The following SORCS1 variants were observed in gnomAD, a reference collection of about 807,000 sequenced individuals.
SORCS1 encodes the protein sortilin related VPS10 domain containing receptor 1.
Under a neutral mutation model 146.1 loss-of-function variants are expected in SORCS1, and 60 were observed. The observed-to-expected ratio is 0.41, with a 90% confidence interval of 0.33 to 0.51. SORCS1 has a LOEUF of 0.51. Among genes scored for constraint, SORCS1 ranks in the 20% least tolerant of loss-of-function variants. The probability of loss-of-function intolerance (pLI) is 0.21; values close to 1 mark genes in which losing one functional copy is unlikely to be tolerated. For missense variants in SORCS1, 1,352 were observed against 1,487.6 expected (o/e 0.91, Z 1.50); for synonymous variants, 637 against 584.0 (o/e 1.09, Z -1.31).
intron 2 of SORCS1, among the ~76,000 whole-genome samples, chr10:106,943,705 G>T (rs1313572178): frequency 6.6e-6 from 1 of 152,026 alleles, no homozygotes; most frequent in Non-Finnish European, 1.5e-5. Flanking sequence ...AGCTACTCGG[G>T]AGGCTGAGGC....
intron 9 of SORCS1, among the ~76,000 whole-genome samples, chr10:106,689,558 C>T (rs914606330): frequency 5.9e-5 from 9 of 152,244 alleles, no homozygotes; most frequent in African/African-American, 1.4e-4. Flanking sequence ...CTTTATAACA[C>T]GAAAAATTTT....
At chr10:107,045,275 G>A (rs1373249381) in intron 1 of SORCS1, among the ~76,000 whole-genome samples, 1 of 152,106 alleles carries the variant, frequency 6.6e-6, no homozygotes, top group African/African-American at 2.4e-5. Context: ...CATTATAAGG[G>A]TCCTAAGAAG....
chr10:106,646,369 G>T (rs2133716299), intron 18 of SORCS1, among the ~76,000 whole-genome samples: 1 of 152,140 alleles, frequency 6.6e-6, no homozygotes, highest in South Asian at 2.1e-4. Context: ...ATAACACAAG[G>T]TCATGAAGAT....
intron 2 of SORCS1, among the ~76,000 whole-genome samples, chr10:106,891,584 C>T (rs953166832): frequency 6.8e-6 from 1 of 147,074 alleles, no homozygotes; most frequent in Non-Finnish European, 1.5e-5. Context: ...ACTATAACCT[C>T]GAATTCCTGG....
At chr10:107,133,771 A>G (rs141453589) in intron 1 of SORCS1, among the ~76,000 whole-genome samples, 1 of 152,326 alleles carries the variant, frequency 6.6e-6, no homozygotes, top group African/African-American at 2.4e-5. Context: ...TCAGAACTTT[A>G]GAAATGTGCC....
chr10:106,945,952 C>A (rs970848549), intron 2 of SORCS1, among the ~76,000 whole-genome samples: 2 of 152,154 alleles, frequency 1.3e-5, no homozygotes, highest in Non-Finnish European at 1.5e-5. Flanking sequence ...TTGTTAAAAT[C>A]AAGGGGGCTG....
intron 3 of SORCS1, among the ~76,000 whole-genome samples, chr10:106,810,313 T>C (rs937728270): frequency 1.1e-4 from 16 of 152,300 alleles, no homozygotes; most frequent in Admixed American, 4.6e-4. Flanking sequence ...TAAAGCAATA[T>C]AACCCCCTCT....
chr10:106,750,112 C>G (rs1564928476), intron 5 of SORCS1, among the ~76,000 whole-genome samples: 1 of 152,130 alleles, frequency 6.6e-6, no homozygotes, highest in African/African-American at 2.4e-5. Context: ...ATCACTAGGG[C>G]CAAGTAAACT....
chr10:107,057,518 C>T (rs1198400562), intron 1 of SORCS1, among the ~76,000 whole-genome samples: 1 of 152,160 alleles, frequency 6.6e-6, no homozygotes, highest in Non-Finnish European at 1.5e-5. Flanking sequence ...AACTCCAAAC[C>T]CAAACCAAGT....
chr10:106,725,612 A>G lies in SORCS1; in HGVS notation c.1024+4438T>C, dbSNP rs1405743445. On this transcript the variant is annotated intron_variant, in intron 6 of 25. Coordinates refer to ENST00000263054, the MANE Select transcript of SORCS1 (RefSeq NM_052918.5). The stretch of plus-strand genomic sequence containing the variant: ...TAATAACAGTAATGAATGGATGGAG[A>G]AAAAAACAGAGGATCTCAATTAGGA... Among the ~76,000 whole-genome samples, 3 of 147,944 alleles carry G rather than the reference A, an allele frequency of 2.0e-5. No homozygotes were observed. In the East Asian group the frequency reaches 5.9e-4, roughly 29 times the overall value.
intron 1 of SORCS1, among the ~76,000 whole-genome samples, chr10:107,100,590 A>G (rs1964856280): frequency 2.0e-5 from 3 of 152,214 alleles, no homozygotes; most frequent in Admixed American, 6.5e-5. Flanking sequence ...ATCTAGGGAC[A>G]TCAGAGAAAA....
chr10:106,638,242 C>T (rs1848845007), intron 18 of SORCS1, among the ~76,000 whole-genome samples: 1 of 152,126 alleles, frequency 6.6e-6, no homozygotes, highest in Admixed American at 6.5e-5. Context: ...GGAATTCACT[C>T]ATAAAGTAAA....
chr10:106,861,784 G>T (rs1471604463), intron 2 of SORCS1, among the ~76,000 whole-genome samples: 2 of 152,120 alleles, frequency 1.3e-5, no homozygotes, highest in East Asian at 3.9e-4. Context: ...AGCTACTCGG[G>T]AGGCTGAGGC....
chr10:106,622,495 CAA>C (rs1847819369), intron 19 of SORCS1, among the ~76,000 whole-genome samples: 1 of 152,042 alleles, frequency 6.6e-6, no homozygotes, highest in African/African-American at 2.4e-5. Flanking sequence ...CTGGGTAAAA[CAA>C]ATGATATAAC....
intron 2 of SORCS1, among the ~76,000 whole-genome samples, chr10:106,911,996 C>T (rs908601610): frequency 1.3e-5 from 2 of 151,768 alleles, no homozygotes; most frequent in South Asian, 2.1e-4. Context: ...ATCTGTAGTC[C>T]CAGCTACTCA....
intron 2 of SORCS1, among the ~76,000 whole-genome samples, chr10:106,867,279 T>A (rs1384526780): frequency 6.6e-6 from 1 of 151,272 alleles, no homozygotes; most frequent in Non-Finnish European, 1.5e-5. Context: ...ATTGGAAGCT[T>A]ATATTAAATT....
At chr10:107,087,375 T>A (rs370702068) in intron 1 of SORCS1, among the ~76,000 whole-genome samples, 1 of 152,186 alleles carries the variant, frequency 6.6e-6, no homozygotes, top group Non-Finnish European at 1.5e-5. Flanking sequence ...ATGTCTAGTG[T>A]TCCTGGAGAA....
At chr10:107,176,164 TTTC>T in the SORCS1 span, among the ~76,000 whole-genome samples, 1 of 152,162 alleles carries the variant, frequency 6.6e-6, no homozygotes, top group Admixed American at 6.5e-5. Flanking sequence ...TCCATTGTTA[TTTC>T]TTTTTTGATT....
At chr10:107,049,076 C>T (rs1325096674) in intron 1 of SORCS1, among the ~76,000 whole-genome samples, 1 of 151,310 alleles carries the variant, frequency 6.6e-6, no homozygotes, top group African/African-American at 2.4e-5. Flanking sequence ...CCATGGAATA[C>T]TATGCAGCCA....
Sources: gnomAD v4.1 joint callset for allele counts (sites outside exome capture counted in the v4.1 genomes callset) on GRCh38, gnomAD v4.1.1 for gene constraint, MANE v1.5 for transcripts, NCBI Gene and HGNC (gene_info 2026-07-23, HGNC 2026-07-21) for gene names.